Variants in P3H2 observed in about 807,000 individuals in gnomAD.
The protein encoded by P3H2 is prolyl 3-hydroxylase 2.
In P3H2, 80 loss-of-function variants were observed where a neutral mutation model predicts 87.0. The observed-to-expected ratio is 0.92, with a 90% CI of 0.77 to 1.11. The LOEUF (loss-of-function observed/expected upper bound fraction) is 1.11. Ranked by LOEUF, P3H2 falls within the 50% of genes least tolerant of loss-of-function variation. The pLI is 0.00. For synonymous variants in P3H2, 367 were observed against 359.3 expected (o/e 1.02, Z -0.24); for missense variants, 1,001 against 923.9 (o/e 1.08, Z -1.08).
chr3:190,111,921 T>G (rs1393806112), intron 1 of P3H2, among the ~76,000 whole-genome samples: 1 of 152,230 alleles, frequency 6.6e-6, no homozygotes, highest in Non-Finnish European at 1.5e-5. Flanking sequence ...TGGAAGATGC[T>G]CAGAGAGAGA....
chr3:189,961,615 G>A (rs1219397238), intron 14 of P3H2, among the ~76,000 whole-genome samples: 2 of 152,172 alleles, frequency 1.3e-5, no homozygotes, highest in Non-Finnish European at 2.9e-5. Flanking sequence ...AAACACAGAT[G>A]TTAGTAGTTT....
intron 1 of P3H2, among the ~76,000 whole-genome samples, chr3:190,090,695 T>A: frequency 7.6e-6 from 1 of 131,772 alleles, no homozygotes. Flanking sequence ...AGAGCAAGAC[T>A]CTGACTCAAA....
chr3:189,995,221 G>C (rs1022841821), intron 2 of P3H2, 69 bp downstream of exon 2: 2 of 1,436,270 alleles, frequency 1.4e-6, no homozygotes, highest in East Asian at 2.3e-5. Flanking sequence ...ATAGAAATTT[G>C]CTGTGACTCA....
At chr3:190,039,197 A>AAT (rs1280420273) in intron 1 of P3H2, among the ~76,000 whole-genome samples, 1 of 151,588 alleles carries the variant, frequency 6.6e-6, no homozygotes, top group African/African-American at 2.4e-5. Flanking sequence ...CTCAAAAAAA[A>AAT]AAATAAAAAA....
chr3:189,974,714 T>C (rs1354374571), intron 8 of P3H2, 29 bp from the exon 9 acceptor site: 2 of 1,613,984 alleles, frequency 1.2e-6, no homozygotes, highest in Admixed American at 1.7e-5. Context: ...TTGTCTTCCC[T>C]GTTACCTCTG....
At chr3:190,117,643 A>AG (rs2108528737) in intron 1 of P3H2, among the ~76,000 whole-genome samples, 1 of 136,604 alleles carries the variant, frequency 7.3e-6, no homozygotes, top group South Asian at 2.3e-4. Flanking sequence ...ATTATTTGAG[A>AG]GGTTTTTTTT....
At chr3:189,962,213 G>T (rs962709175) in intron 14 of P3H2, among the ~76,000 whole-genome samples, 4 of 134,518 alleles carry the variant, frequency 3.0e-5, no homozygotes, top group Non-Finnish European at 6.2e-5. Flanking sequence ...TTGTCGCCCA[G>T]GTTACAGTGT....
chr3:190,046,514 G>C (rs1725811156), intron 1 of P3H2, among the ~76,000 whole-genome samples: 1 of 152,176 alleles, frequency 6.6e-6, no homozygotes, highest in South Asian at 2.1e-4. Context: ...CAGAGTTAGA[G>C]AGCCCTCATC....
chr3:189,963,041 A>G lies in P3H2; in HGVS notation c.2034+917T>C, dbSNP rs559443860. On this transcript the variant is annotated intron_variant, in intron 14 of 14. Coordinates refer to ENST00000319332, the MANE Select transcript of P3H2 (RefSeq NM_018192.4). ...GGGCTTTGATTGGAGCCATCCAATC[A>G]GTGCTTCCAAAGCAGACAATTCTGC... Among the ~76,000 whole-genome samples the G allele has an allele frequency of 1.7e-3, 252 of 152,222 alleles. 1 individual carries two copies. The highest frequency in any genetic ancestry group is 1.6e-3 in the Non-Finnish European group (108 of 68,044).
At chr3:190,049,341 T>C (rs1165616800) in intron 1 of P3H2, among the ~76,000 whole-genome samples, 1 of 152,146 alleles carries the variant, frequency 6.6e-6, no homozygotes, top group Non-Finnish European at 1.5e-5. Flanking sequence ...GATGCTTAAA[T>C]TGTAGCTCAA....
chr3:189,986,800 T>C lies in P3H2; in HGVS notation c.1176A>G (p.Ser392=). ...IKSAAEGLGF[S]YTEPNYWIRY... is the part of the protein sequence containing the mutation. ...TCTTTCCTCTTACCGGTTCAGTGTATGAAAACCCCAGACCTTCTGCAGCTG... is the reference window on the plus strand; with the variant it reads ...TCTTTCCTCTTACCGGTTCAGTGTACGAAAACCCCAGACCTTCTGCAGCTG... The change falls in exon 6 of 15, where the codon TCA becomes TCG. Residue 392 remains serine (S), a synonymous_variant. Coordinates refer to ENST00000319332, the MANE Select transcript of P3H2 (RefSeq NM_018192.4). 1 of 1,607,572 alleles carries C rather than the reference T, an allele frequency of 6.2e-7. No homozygotes were observed. Among genetic ancestry groups the C allele is most frequent in the Non-Finnish European group, 8.5e-7 (1 of 1,174,046 alleles).
intron 1 of P3H2, among the ~76,000 whole-genome samples, chr3:190,102,604 C>G (rs186322821): frequency 2.0e-5 from 3 of 152,072 alleles, no homozygotes; most frequent in Admixed American, 2.0e-4. Context: ...TAAGGATGAG[C>G]AAAAAAAGTG....
intron 1 of P3H2, among the ~76,000 whole-genome samples, chr3:190,109,845 C>CT (rs141845406): frequency 0.12 from 15,436 of 124,264 alleles, 1,426 homozygotes; most frequent in Non-Finnish European, 0.18. Context: ...GATGCCCAGT[C>CT]TTTTTTTTTT....
intron 8 of P3H2, among the ~76,000 whole-genome samples, chr3:189,979,434 A>T (rs903389041): frequency 2.0e-5 from 3 of 151,244 alleles, no homozygotes; most frequent in Admixed American, 6.6e-5. Context: ...GCTCTAAAAT[A>T]AAAAAAAAGA....
At chr3:190,088,337 T>TC (rs1322487341) in intron 1 of P3H2, among the ~76,000 whole-genome samples, 1 of 152,202 alleles carries the variant, frequency 6.6e-6, no homozygotes, top group African/African-American at 2.4e-5. Flanking sequence ...CTGGACACAT[T>TC]CTTAGATGTC....
Position 189,984,696 on chromosome 3 carries a change from T to C in P3H2, c.1189-106A>G, listed in dbSNP as rs1002049526. 26 of 806,230 alleles carry C rather than the reference T, an allele frequency of 3.2e-5. No individual in the cohort carries two copies. In the African/African-American group the frequency reaches 4.3e-4, roughly 13 times the overall value. The allele number at this position is 806,230 out of a possible 1,614,324, so 49.9% of individuals were successfully genotyped here. On this transcript the variant is annotated intron_variant, in intron 6 of 14. Transcript: ENST00000319332. Reference sequence around the variant, plus strand: ...ATGCACAAAACATTCAAAAGATCTATAATTTAGGAATTTTGCATATTGTGT... The same window carrying C: ...ATGCACAAAACATTCAAAAGATCTACAATTTAGGAATTTTGCATATTGTGT...
Position 189,973,059 on chromosome 3 carries a change from G to T in P3H2, c.1549-35C>A, listed in dbSNP as rs749004397. On this transcript the variant is annotated intron_variant, in intron 10 of 14. Transcript: ENST00000319332. Reference sequence around the variant, plus strand: ...AAAAACAAAACATGAGAAACAAATGGGTTCATTGGAGGTCGTAAGAAAAAC... The same window carrying T: ...AAAAACAAAACATGAGAAACAAATGTGTTCATTGGAGGTCGTAAGAAAAAC... 6.9e-6 allele frequency: 11 copies of T among 1,602,992 alleles called. No homozygotes were observed. In the African/African-American group the frequency reaches 1.5e-4, roughly 22 times the overall value.
chr3:190,033,396 A>G (rs1077233), intron 1 of P3H2, among the ~76,000 whole-genome samples: 122,519 of 152,204 alleles, frequency 0.8, 49,370 homozygotes, highest in East Asian at 0.86. Context: ...ATTTAGAAAA[A>G]TATAGAGAGA....
rs759900969 is a variant in P3H2, at chr3:189,957,696, TAAGAA to T, written c.*211_*215del. On this transcript the variant is annotated 3_prime_UTR_variant, in exon 15 of 15. Transcript: ENST00000319332. ...AGACAACATGGTTAGACCATGTCTCTAAGAAGAGAGAGAGAGAGAGAGAGAGAGAA... is the reference window on the plus strand; with the variant it reads ...AGACAACATGGTTAGACCATGTCTCTGAGAGAGAGAGAGAGAGAGAGAGAA... The T allele has an allele frequency of 1.7e-4, 76 of 439,160 alleles. No homozygotes were observed. The highest frequency in any genetic ancestry group is 1.7e-4 in the Non-Finnish European group (43 of 247,166). 27.2% of individuals were successfully genotyped at this position (439,160 alleles called of 1,614,324 possible). A position where few individuals can be genotyped will look rare whatever the true frequency, so the allele number is the denominator to read the frequency against.
Sources: allele counts gnomAD v4.1 joint callset (sites outside exome capture counted in the v4.1 genomes callset), GRCh38; gene constraint gnomAD v4.1.1; transcripts MANE v1.5; gene names NCBI Gene and HGNC (gene_info 2026-07-23, HGNC 2026-07-21).